The following FRAS1 variants were observed in gnomAD, a reference collection of about 807,000 sequenced individuals.
FRAS1 encodes the protein extracellular matrix organizing protein FRAS1.
A neutral mutation model predicts 435.2 loss-of-function variants in FRAS1; 290 were observed. The observed-to-expected ratio is 0.67, with a 90% CI of 0.61 to 0.73. The LOEUF (loss-of-function observed/expected upper bound fraction) is 0.73, where lower values mean the gene tolerates loss of function less well. FRAS1 is among the 30% of genes least tolerant of loss of function. FRAS1 has a pLI of 0.00. For missense variants in FRAS1, 4,860 were observed against 5,001.5 expected, an observed-to-expected ratio of 0.97 and a Z score of 0.85; for synonymous variants, 1,800 against 1,851.0, an observed-to-expected ratio of 0.97 and a Z score of 0.71.
chr4:78,156,235 C>T (rs1362097606), intron 2 of FRAS1, among the ~76,000 whole-genome samples: 1 of 151,936 alleles, frequency 6.6e-6, no homozygotes, highest in Non-Finnish European at 1.5e-5. Flanking sequence ...CTCAGGTTTA[C>T]TTTTGTGAGC....
chr4:78,454,941 T>C (rs1719141985), intron 47 of FRAS1, among the ~76,000 whole-genome samples: 1 of 152,194 alleles, frequency 6.6e-6, no homozygotes, highest in African/African-American at 2.4e-5. Flanking sequence ...AACAGCACCC[T>C]CCAAAAGTGG....
rs760777103 is a variant in FRAS1, at chr4:78,450,193, A to T, written c.6317A>T (p.Asp2106Val). Reference protein sequence around the residue: ...RITEQHLKVTDIDSDDHQVMY... With the variant: ...RITEQHLKVTVIDSDDHQVMY... ...ACAGAACAGCACTTGAAAGTGACAGATATTGACTCAGATGACCATCAGGTT... is the reference window on the plus strand; with the variant it reads ...ACAGAACAGCACTTGAAAGTGACAGTTATTGACTCAGATGACCATCAGGTT... Residue 2106 changes from aspartate to valine, a missense_variant, in exon 45 of 74, where the codon GAT becomes GTT. By Grantham distance (152) the Asp-to-Val change is radical. Coordinates refer to ENST00000512123, the MANE Select transcript of FRAS1 (RefSeq NM_025074.7). 8.1e-6 allele frequency: 13 copies of T among 1,613,710 alleles called. No individual in the cohort carries two copies. Among genetic ancestry groups the T allele is most frequent in the Non-Finnish European group, 1.1e-5 (13 of 1,179,764 alleles).
intron 47 of FRAS1, 55 bp from the exon 48 acceptor site, chr4:78,463,966 T>C: frequency 1.9e-6 from 3 of 1,599,184 alleles, no homozygotes; most frequent in Non-Finnish European, 2.6e-6. Context: ...TAGCCTTAGA[T>C]ATATGGCTAG....
chr4:78,176,415 TAA>T (rs1006495802), intron 2 of FRAS1, among the ~76,000 whole-genome samples: 2 of 152,202 alleles, frequency 1.3e-5, no homozygotes, highest in African/African-American at 4.8e-5. Context: ...GTAAATGTTA[TAA>T]AGAGTTTCCT....
chr4:78,354,268 TTCTGTTGTCGTG>T (rs1331733364), intron 20 of FRAS1, among the ~76,000 whole-genome samples: 1 of 152,204 alleles, frequency 6.6e-6, no homozygotes, highest in Admixed American at 6.5e-5. Flanking sequence ...ATGAAGGTCA[TTCTGTTGTCGTG>T]TTTTATTTGG....
chr4:78,331,937 C>T (rs988825507), intron 18 of FRAS1, among the ~76,000 whole-genome samples: 1 of 152,118 alleles, frequency 6.6e-6, no homozygotes, highest in East Asian at 1.9e-4. Flanking sequence ...AGGGGCACCT[C>T]ATAGCATAAA....
intron 2 of FRAS1, among the ~76,000 whole-genome samples, chr4:78,124,147 C>T (rs1719199358): frequency 6.6e-6 from 1 of 152,062 alleles, no homozygotes; most frequent in South Asian, 2.1e-4. Flanking sequence ...AGATACATTC[C>T]ATTGATATTA....
At chr4:78,266,596 G>A (rs1050225091) in intron 7 of FRAS1, among the ~76,000 whole-genome samples, 2 of 152,148 alleles carry the variant, frequency 1.3e-5, no homozygotes, top group African/African-American at 4.8e-5. Flanking sequence ...GCACAGAGTG[G>A]GCCCTCAACA....
chr4:78,237,491 A>C lies in FRAS1; in HGVS notation c.109-19A>C. On this transcript the variant is annotated intron_variant, in intron 2 of 73. Coordinates refer to ENST00000512123, the MANE Select transcript of FRAS1 (RefSeq NM_025074.7). The stretch of plus-strand genomic sequence containing the variant: ...CTTGACTGATCAGTTTTTAAATCAG[A>C]GCTTATGCCTCTTTACAGGATGCCA... 1 of 1,577,830 alleles carries C rather than the reference A, an allele frequency of 6.3e-7. No homozygotes were observed. Among genetic ancestry groups the C allele is most frequent in the South Asian group, 1.1e-5 (1 of 90,036 alleles).
chr4:78,297,914 G>A (rs1728211589), intron 14 of FRAS1, among the ~76,000 whole-genome samples: 1 of 151,518 alleles, frequency 6.6e-6, no homozygotes, highest in South Asian at 2.1e-4. Flanking sequence ...AACACAGTGG[G>A]ATTTTTGCTA....
chr4:78,170,671 G>C (rs989924903), intron 2 of FRAS1, among the ~76,000 whole-genome samples: 4 of 152,112 alleles, frequency 2.6e-5, no homozygotes, highest in Non-Finnish European at 5.9e-5. Flanking sequence ...ATGCCCGAAT[G>C]CATTCAGAAC....
intron 5 of FRAS1, among the ~76,000 whole-genome samples, chr4:78,254,548 G>A (rs531424745): frequency 6.6e-6 from 1 of 152,296 alleles, no homozygotes; most frequent in South Asian, 2.1e-4. Context: ...GAACAACAGA[G>A]TTGGGGGTGG....
At chr4:78,382,749 C>T (rs1024652870) in intron 27 of FRAS1, among the ~76,000 whole-genome samples, 1 of 152,160 alleles carries the variant, frequency 6.6e-6, no homozygotes, top group Admixed American at 6.5e-5. Context: ...AGTCTTGTGA[C>T]CACAACCATA....
intron 20 of FRAS1, among the ~76,000 whole-genome samples, chr4:78,356,220 C>T (rs745339314): frequency 6.6e-6 from 1 of 152,078 alleles, no homozygotes; most frequent in Non-Finnish European, 1.5e-5. Context: ...CACATGCAGC[C>T]GAGTAGCACC....
At chr4:78,278,088 C>T (rs1043261133) in intron 9 of FRAS1, among the ~76,000 whole-genome samples, 20 of 152,146 alleles carry the variant, frequency 1.3e-4, no homozygotes, top group African/African-American at 4.8e-4. Flanking sequence ...CGTGATCCAC[C>T]ACGACTGGCC....
intron 44 of FRAS1, among the ~76,000 whole-genome samples, 194 bp from the exon 45 acceptor site, chr4:78,449,957 A>C (rs1047949613): frequency 2.6e-5 from 4 of 151,796 alleles, no homozygotes; most frequent in Non-Finnish European, 5.9e-5. Context: ...AGGGAAAATT[A>C]GTAAATTGAA....
chr4:78,388,609 G>A (rs894587823), intron 29 of FRAS1, among the ~76,000 whole-genome samples: 1 of 151,176 alleles, frequency 6.6e-6, no homozygotes, highest in East Asian at 1.9e-4. Flanking sequence ...ACCAGCGTGA[G>A]CAACGTGGAG....
At chr4:78,363,734 G>C (rs1731164916) in intron 21 of FRAS1, 69 bp downstream of exon 21, 1 of 1,512,874 alleles carries the variant, frequency 6.6e-7, no homozygotes, top group Admixed American at 2.0e-5. Context: ...AGCTGGGAAG[G>C]ATCAACCTTT....
At position 78,392,597 on chromosome 4, in the gene FRAS1, A is replaced by G. The variant is rs114418128; in HGVS notation, c.3975+4896A>G. ...GGCTAAGCTTTATTACCATTTCTGC[A>G]TGCCTATTGTTCTATGAAATGAATT... On this transcript the variant is annotated intron_variant, in intron 29 of 73. Coordinates refer to ENST00000512123, the MANE Select transcript of FRAS1 (RefSeq NM_025074.7). 6.3e-3 allele frequency among the ~76,000 whole-genome samples: 957 copies of G among 152,118 alleles called. 12 individuals are homozygous for G. Among genetic ancestry groups the G allele is most frequent in the African/African-American group, 0.022 (894 of 41,524 alleles).
Sources: allele counts gnomAD v4.1 joint callset (sites outside exome capture counted in the v4.1 genomes callset), GRCh38; gene constraint gnomAD v4.1.1; transcripts MANE v1.5; gene names NCBI Gene and HGNC (gene_info 2026-07-23, HGNC 2026-07-21).